The following TENM1 variants were observed in gnomAD, a reference collection of about 807,000 sequenced individuals.
The protein encoded by TENM1 is teneurin transmembrane protein 1.
A neutral mutation model predicts 174.8 loss-of-function variants in TENM1; 35 were observed. The observed-to-expected ratio is 0.20, with a 90% confidence interval of 0.15 to 0.27. TENM1 has a LOEUF of 0.27. Ranked by LOEUF, TENM1 falls within the 10% of genes least tolerant of loss-of-function variation. The pLI, the probability that TENM1 is intolerant of heterozygous loss-of-function variation, is 1.00. For missense variants in TENM1, 1,633 were observed against 2,130.1 expected (o/e 0.77, Z 4.59); for synonymous variants, 781 against 798.7 (o/e 0.98, Z 0.37).
chrX:124,582,392 T>C (rs149658713), intron 11 of TENM1, among the ~76,000 whole-genome samples: 1,275 of 112,342 alleles, frequency 0.011, 21 homozygotes, highest in African/African-American at 0.038. Flanking sequence ...TTTGTTTGTG[T>C]TATCTATGAT....
the TENM1 span, among the ~76,000 whole-genome samples, chrX:125,104,294 T>C: frequency 1.4e-3 from 162 of 112,136 alleles, no homozygotes; most frequent in South Asian, 4.9e-3. Flanking sequence ...AGAAAAATCT[T>C]GCCACAGTTC....
intron 3 of TENM1, among the ~76,000 whole-genome samples, chrX:124,890,727 T>C (rs895772585): frequency 1.8e-5 from 2 of 110,435 alleles, no homozygotes; most frequent in African/African-American, 6.6e-5. Context: ...ATACTGTCGG[T>C]GGGAATGTAA....
rs199666883 is a variant in TENM1 at position 124,402,864 on chromosome X, G to GA, written c.5391+2166dup. 1.6e-3 allele frequency among the ~76,000 whole-genome samples: 171 copies of GA among 104,136 alleles called. No individual in the cohort carries two copies. In the East Asian group the frequency reaches 0.026, roughly 16 times the overall value. 90.4% of individuals were successfully genotyped at this position (104,136 alleles called of 115,157 possible). ...AGTAGTACACTTTTATTTTACAGGTGAAAAAAAAAAATCAAGGCATTTCTT... is the reference window on the plus strand; with the variant it reads ...AGTAGTACACTTTTATTTTACAGGTGAAAAAAAAAAAATCAAGGCATTTCTT... On this transcript the variant is annotated intron_variant, in intron 27 of 31. Transcript: ENST00000422452.
chrX:124,639,872 A>G (rs181624500), intron 11 of TENM1, among the ~76,000 whole-genome samples: 1 of 111,307 alleles, frequency 9.0e-6, no homozygotes, highest in African/African-American at 3.3e-5. Flanking sequence ...TTAATAATCA[A>G]GTTAGGTCCC....
At chrX:125,070,140 A>G in the TENM1 span, among the ~76,000 whole-genome samples, 2 of 109,994 alleles carry the variant, frequency 1.8e-5, no homozygotes, top group Non-Finnish European at 3.8e-5. Flanking sequence ...GTAGTGGGCC[A>G]GGATCACGCC....
chrX:125,002,693 A>G, the TENM1 span, among the ~76,000 whole-genome samples: 1 of 111,965 alleles, frequency 8.9e-6, no homozygotes, highest in Non-Finnish European at 1.9e-5. Context: ...AGCCTTTGTC[A>G]GATGGGTTTC....
the TENM1 span, among the ~76,000 whole-genome samples, chrX:125,127,439 T>C: frequency 8.9e-6 from 1 of 111,786 alleles, no homozygotes; most frequent in South Asian, 3.7e-4. Flanking sequence ...AGATAACTTT[T>C]AGAAGCTTAG....
intron 11 of TENM1, among the ~76,000 whole-genome samples, chrX:124,574,045 C>T (rs1408515024): frequency 8.9e-6 from 1 of 111,808 alleles, no homozygotes; most frequent in South Asian, 3.7e-4. Flanking sequence ...CAAAAGAATG[C>T]TAAAATATAA....
At chrX:124,393,602 T>C (rs2060304047) in intron 27 of TENM1, among the ~76,000 whole-genome samples, 1 of 112,022 alleles carries the variant, frequency 8.9e-6, no homozygotes, top group South Asian at 3.7e-4. Flanking sequence ...AGTTAAGTTT[T>C]AGTTTTAGTG....
At chrX:124,995,933 T>C in the TENM1 span, among the ~76,000 whole-genome samples, 2 of 110,996 alleles carry the variant, frequency 1.8e-5, no homozygotes, top group Non-Finnish European at 3.8e-5. Context: ...GACTAAGTTG[T>C]TACTCATTTG....
chrX:124,651,591 T>C (rs2051311675), intron 8 of TENM1, among the ~76,000 whole-genome samples: 1 of 111,804 alleles, frequency 8.9e-6, no homozygotes, highest in Admixed American at 9.5e-5. Flanking sequence ...GCTTATTCCC[T>C]TTTTCACTGA....
chrX:124,797,622 C>A (rs2055335168), intron 3 of TENM1, among the ~76,000 whole-genome samples: 1 of 108,914 alleles, frequency 9.2e-6, no homozygotes, highest in African/African-American at 3.3e-5. Context: ...GAAGGATGGG[C>A]TTATTAGTTG....
chrX:124,798,631 T>C (rs768635567), intron 3 of TENM1, among the ~76,000 whole-genome samples: 1 of 111,731 alleles, frequency 9.0e-6, no homozygotes, highest in South Asian at 3.7e-4. Context: ...TCTCCTATTC[T>C]GTAGGTTGCC....
At chrX:124,992,735 T>C in the TENM1 span, among the ~76,000 whole-genome samples, 1 of 111,650 alleles carries the variant, frequency 9.0e-6, no homozygotes, top group East Asian at 2.8e-4. Flanking sequence ...ATGCTGGGCT[T>C]CCCTGCTCTA....
chrX:124,773,879 T>C (rs1228759103), intron 3 of TENM1, among the ~76,000 whole-genome samples: 1 of 111,992 alleles, frequency 8.9e-6, no homozygotes, highest in Non-Finnish European at 1.9e-5. Context: ...ATATCAAGGA[T>C]GGATTTAGAG....
intron 11 of TENM1, among the ~76,000 whole-genome samples, chrX:124,637,213 C>T (rs1201742462): frequency 2.7e-5 from 3 of 109,776 alleles, no homozygotes; most frequent in Non-Finnish European, 5.7e-5. Flanking sequence ...CTTCAGCCTC[C>T]CGAGTAGATG....
chrX:124,644,152 TATATATGGC>T (rs1460348206), intron 10 of TENM1, among the ~76,000 whole-genome samples: 12 of 100,081 alleles, frequency 1.2e-4, no homozygotes, highest in Non-Finnish European at 1.6e-4. Flanking sequence ...TAAATTTATA[TATATATGGC>T]ATATATGGCA....
chrX:125,107,018 G>A, the TENM1 span, among the ~76,000 whole-genome samples: 1 of 111,836 alleles, frequency 8.9e-6, no homozygotes, highest in Non-Finnish European at 1.9e-5. Context: ...TTTACAAACA[G>A]GCTCAGCACC....
intron 22 of TENM1, among the ~76,000 whole-genome samples, 158 bp from the exon 26 acceptor site, chrX:124,453,649 T>C (rs1316484792): frequency 8.9e-6 from 1 of 111,944 alleles, no homozygotes; most frequent in Non-Finnish European, 1.9e-5. Context: ...AGAGGTTTGT[T>C]GGGGCATACA....
Sources: allele counts gnomAD v4.1 joint callset (sites outside exome capture counted in the v4.1 genomes callset), GRCh38; gene constraint gnomAD v4.1.1; transcripts MANE v1.5; gene names NCBI Gene and HGNC (gene_info 2026-07-23, HGNC 2026-07-21).